The following STAG1 variants were observed in gnomAD, a reference collection of about 807,000 sequenced individuals.
The protein encoded by STAG1 is STAG1 cohesin complex component.
Under a neutral mutation model 170.9 loss-of-function variants are expected in STAG1, and 26 were observed. The ratio of observed to expected loss-of-function variants is 0.15; its 90% CI spans 0.11 to 0.21. STAG1 has a LOEUF of 0.21. STAG1 is among the 10% of genes least tolerant of loss of function. The pLI, the probability that STAG1 is intolerant of heterozygous loss-of-function variation, is 1.00. For missense variants in STAG1, 964 were observed against 1,509.5 expected (o/e 0.64, Z 5.99); for synonymous variants, 514 against 497.7 (o/e 1.03, Z -0.44).
At chr3:136,375,046 A>C (rs769638242) in intron 23 of STAG1, among the ~76,000 whole-genome samples, 3 of 152,218 alleles carry the variant, frequency 2.0e-5, no homozygotes, top group Non-Finnish European at 4.4e-5. Context: ...AATAGGCCAT[A>C]CCATAGAGCA....
chr3:136,397,215 A>C (rs1012744665), intron 22 of STAG1, among the ~76,000 whole-genome samples: 1 of 152,230 alleles, frequency 6.6e-6, no homozygotes, highest in Admixed American at 6.5e-5. Context: ...TACATGAAAT[A>C]ACTGAAACAT....
At chr3:136,714,948 T>C (rs1479184330) in intron 1 of STAG1, among the ~76,000 whole-genome samples, 3 of 75,224 alleles carry the variant, frequency 4.0e-5, no homozygotes, top group Admixed American at 1.5e-4. Flanking sequence ...AATATATATA[T>C]ATATATATAT....
chr3:136,602,734 C>T (rs1481147826), intron 4 of STAG1, among the ~76,000 whole-genome samples: 2 of 151,858 alleles, frequency 1.3e-5, no homozygotes, highest in Non-Finnish European at 2.9e-5. Flanking sequence ...ACCTGTAATC[C>T]CAGCTATTCA....
At chr3:136,591,551 T>C in intron 4 of STAG1, 1 of 428,626 alleles carries the variant, frequency 2.3e-6, no homozygotes, top group Non-Finnish European at 4.6e-6. Context: ...TCAACATCTC[T>C]ATTTGAAAAA....
At chr3:136,529,627 G>T (rs1490722083) in intron 6 of STAG1, among the ~76,000 whole-genome samples, 4 of 152,082 alleles carry the variant, frequency 2.6e-5, no homozygotes, top group Non-Finnish European at 5.9e-5. Context: ...CACCAGATCT[G>T]TTCTACACAA....
intron 28 of STAG1, among the ~76,000 whole-genome samples, chr3:136,350,942 A>C (rs1936412174): frequency 6.6e-6 from 1 of 152,200 alleles, no homozygotes. Flanking sequence ...GACAGCCAAG[A>C]AGAACCTTCC....
intron 6 of STAG1, among the ~76,000 whole-genome samples, chr3:136,529,037 C>G (rs1205475794): frequency 6.6e-6 from 1 of 151,868 alleles, no homozygotes; most frequent in Non-Finnish European, 1.5e-5. Context: ...AATACATTTG[C>G]AAGCTTCAAC....
chr3:136,727,960 C>A (rs1049957451), intron 1 of STAG1, among the ~76,000 whole-genome samples: 5 of 151,910 alleles, frequency 3.3e-5, no homozygotes, highest in African/African-American at 1.2e-4. Context: ...GAGTTTGAGA[C>A]CAGCCTGGCC....
intron 1 of STAG1, among the ~76,000 whole-genome samples, chr3:136,690,056 C>CAAAAAAAAAAAAAAAAAAAAAAACA (rs57082567): frequency 3.0e-4 from 17 of 56,380 alleles, no homozygotes; most frequent in South Asian, 7.7e-4. Context: ...AAAAGCAAAC[C>CAAAAAAAAAAAAAAAAAAAAAAACA]AAAAAAAAAA....
intron 5 of STAG1, among the ~76,000 whole-genome samples, chr3:136,567,617 G>A (rs562353094): frequency 6.6e-6 from 1 of 152,304 alleles, no homozygotes; most frequent in Non-Finnish European, 1.5e-5. Flanking sequence ...TTCCCACAGT[G>A]TCTTGTGGCT....
chr3:136,471,036 T>G (rs963878114), intron 12 of STAG1, among the ~76,000 whole-genome samples: 1 of 150,894 alleles, frequency 6.6e-6, no homozygotes. Flanking sequence ...AATGACGAGT[T>G]AGTGAGTGCA....
At chr3:136,744,143 CAT>C (rs1934815395) in intron 1 of STAG1, among the ~76,000 whole-genome samples, 1 of 152,190 alleles carries the variant, frequency 6.6e-6, no homozygotes, top group African/African-American at 2.4e-5. Flanking sequence ...GCCTGACCAA[CAT>C]AGAGAAACCC....
At chr3:136,416,432 T>C (rs1003651732) in intron 21 of STAG1, among the ~76,000 whole-genome samples, 1 of 152,226 alleles carries the variant, frequency 6.6e-6, no homozygotes, top group Admixed American at 6.5e-5. Flanking sequence ...ACGACAACAC[T>C]GTGAAGCTGT....
intron 1 of STAG1, among the ~76,000 whole-genome samples, chr3:136,707,776 T>G (rs1454568315): frequency 6.6e-6 from 1 of 152,116 alleles, no homozygotes; most frequent in Non-Finnish European, 1.5e-5. Flanking sequence ...CCCTCAAGAA[T>G]TAATACAGTC....
intron 7 of STAG1, among the ~76,000 whole-genome samples, chr3:136,503,082 A>G (rs1933567094): frequency 6.6e-6 from 1 of 152,170 alleles, no homozygotes; most frequent in South Asian, 2.1e-4. Context: ...TCCTAAAAAT[A>G]CACACGTAAG....
At chr3:136,537,655 C>T (rs1380414773) in intron 6 of STAG1, among the ~76,000 whole-genome samples, 2 of 151,942 alleles carry the variant, frequency 1.3e-5, no homozygotes, top group African/African-American at 4.8e-5. Flanking sequence ...CATGTACCAC[C>T]ACGCTAATTT....
In STAG1 at chr3:136,736,837, T is replaced by C; in HGVS notation, c.-84+15358A>G. The C allele has an allele frequency of 3.8e-6, 6 of 1,585,600 alleles. No individual in the cohort carries two copies. The South Asian group carries it at 5.5e-5, about 15-fold the overall frequency. ...TAGGTTTTCCTTCCTTCTTTGTTTTTTTCGCTCTTTCACAGTGTGGTCAAC... is the reference window on the plus strand; with the variant it reads ...TAGGTTTTCCTTCCTTCTTTGTTTTCTTCGCTCTTTCACAGTGTGGTCAAC... On this transcript the variant is annotated intron_variant, in intron 1 of 33. Coordinates refer to ENST00000383202, the MANE Select transcript of STAG1 (RefSeq NM_005862.3).
chr3:136,514,295 A>G (rs1363298232), intron 7 of STAG1, among the ~76,000 whole-genome samples: 1 of 152,232 alleles, frequency 6.6e-6, no homozygotes, highest in Non-Finnish European at 1.5e-5. Flanking sequence ...TATGCAGCCA[A>G]CAGACACATG....
intron 1 of STAG1, among the ~76,000 whole-genome samples, chr3:136,646,598 C>CTAATCTAAG (rs1941023345): frequency 6.6e-6 from 1 of 152,136 alleles, no homozygotes; most frequent in Non-Finnish European, 1.5e-5. Flanking sequence ...TCTAGTGTTC[C>CTAATCTAAG]ATAGCACTAT....
Sources: gnomAD v4.1 joint callset for allele counts (sites outside exome capture counted in the v4.1 genomes callset) on GRCh38, gnomAD v4.1.1 for gene constraint, MANE v1.5 for transcripts, NCBI Gene and HGNC (gene_info 2026-07-23, HGNC 2026-07-21) for gene names.